TRIO: variants seen among roughly 807,000 people sequenced by gnomAD.
The protein encoded by TRIO is trio Rho guanine nucleotide exchange factor, also known as triple functional domain protein.
TRIO carries 58 observed loss-of-function variants against 351.9 expected under a neutral mutation model. That is an observed-to-expected ratio of 0.16 (90% confidence interval 0.13 to 0.21). The LOEUF is 0.21. TRIO is among the 10% of genes least tolerant of loss of function. The pLI is 1.00. For missense variants in TRIO, 3,201 were observed against 4,027.8 expected (o/e 0.79, Z 5.56); for synonymous variants, 1,758 against 1,595.7 (o/e 1.10, Z -2.42).
chr5:14,480,833 G>A (rs1275442115), intron 43 of TRIO, among the ~76,000 whole-genome samples: 1 of 152,188 alleles, frequency 6.6e-6, no homozygotes, highest in Non-Finnish European at 1.5e-5. Flanking sequence ...GTACACACCT[G>A]TAGACCCGGC....
chr5:14,316,397 T>A, intron 8 of TRIO, 116 bp from the exon 9 acceptor site: 1 of 984,534 alleles, frequency 1.0e-6, no homozygotes, highest in East Asian at 2.6e-5. Context: ...GTGTAATGTG[T>A]GTACATGTAC....
At chr5:14,422,087 C>T (rs1216147942) in intron 34 of TRIO, among the ~76,000 whole-genome samples, 2 of 152,208 alleles carry the variant, frequency 1.3e-5, no homozygotes, top group African/African-American at 2.4e-5. Context: ...AGCCTCTTTT[C>T]AGTATAAGAG....
intron 54 of TRIO, among the ~76,000 whole-genome samples, chr5:14,503,785 G>A (rs185712435): frequency 2.9e-3 from 436 of 152,364 alleles, no homozygotes; most frequent in African/African-American, 9.9e-3. Context: ...CGCCACAGGC[G>A]CATCTCTGGT....
intron 5 of TRIO, among the ~76,000 whole-genome samples, chr5:14,291,457 T>C (rs1736894222): frequency 6.6e-6 from 1 of 151,844 alleles, no homozygotes; most frequent in Non-Finnish European, 1.5e-5. Flanking sequence ...ACTTATTCTT[T>C]GGTCTAGGAT....
intron 1 of TRIO, among the ~76,000 whole-genome samples, chr5:14,223,541 T>G (rs1019408359): frequency 6.6e-6 from 1 of 152,186 alleles, no homozygotes; most frequent in Admixed American, 6.5e-5. Flanking sequence ...GTGACCCTGC[T>G]TGGCTTCAAG....
At chr5:14,148,458 C>G (rs1787644645) in intron 1 of TRIO, among the ~76,000 whole-genome samples, 1 of 152,136 alleles carries the variant, frequency 6.6e-6, no homozygotes, top group Non-Finnish European at 1.5e-5. Flanking sequence ...AGAGAAAAGT[C>G]TAATTCTTAA....
intron 48 of TRIO, 191 bp from the exon 49 acceptor site, chr5:14,492,376 T>C (rs943078295): frequency 1.4e-6 from 1 of 706,776 alleles, no homozygotes; most frequent in African/African-American, 1.8e-5. Context: ...GAAATTACAT[T>C]TTCAGTTATT....
intron 6 of TRIO, among the ~76,000 whole-genome samples, chr5:14,294,164 T>A (rs1737146748): frequency 6.6e-6 from 1 of 152,116 alleles, no homozygotes; most frequent in Non-Finnish European, 1.5e-5. Flanking sequence ...CCAGCTTGGG[T>A]GACAGAGCAA....
chr5:14,248,852 A>G (rs1015208508), intron 1 of TRIO, among the ~76,000 whole-genome samples: 1 of 152,222 alleles, frequency 6.6e-6, no homozygotes, highest in African/African-American at 2.4e-5. Context: ...AATGGCTCCA[A>G]AGCTCTAAGG....
chr5:14,346,640 A>G (rs79498375), intron 11 of TRIO, among the ~76,000 whole-genome samples: 8,977 of 152,320 alleles, frequency 0.059, 313 homozygotes, highest in African/African-American at 0.094. Flanking sequence ...TGAACAAGTT[A>G]TAATGTGTTA....
At chr5:14,310,874 C>T (rs971285846) in intron 8 of TRIO, among the ~76,000 whole-genome samples, 5 of 152,158 alleles carry the variant, frequency 3.3e-5, no homozygotes, top group Admixed American at 1.3e-4. Context: ...TTAGTAGAGA[C>T]AGGGTTTTGC....
At position 14,256,908 on chromosome 5, in the gene TRIO, G is replaced by A. The variant is rs1037764599; in HGVS notation, c.158-13917G>A. Among the ~76,000 whole-genome samples the A allele has an allele frequency of 3.3e-5, 5 of 152,326 alleles. No homozygotes were observed. In the East Asian group the frequency reaches 9.6e-4, roughly 29 times the overall value. On this transcript the variant is annotated intron_variant, in intron 1 of 56. Transcript: ENST00000344204. ...TGGCTTTTCATTACTTTAAACAAAT[G>A]AGTTCAGCCTTTAGCATAGTGGGCC...
intron 49 of TRIO, 105 bp from the exon 50 acceptor site, chr5:14,496,774 C>A (rs1374786242): frequency 1.4e-6 from 2 of 1,464,188 alleles, no homozygotes; most frequent in African/African-American, 1.4e-5. Context: ...TCCCATCCCC[C>A]TGCACACACA....
At chr5:14,506,363 C>T (rs1480770275) in intron 55 of TRIO, among the ~76,000 whole-genome samples, 1 of 152,218 alleles carries the variant, frequency 6.6e-6, no homozygotes, top group Non-Finnish European at 1.5e-5. Context: ...GATCTTCCTA[C>T]AGATTTCTGT....
intron 11 of TRIO, among the ~76,000 whole-genome samples, chr5:14,342,719 G>A (rs576700618): frequency 4.6e-5 from 7 of 152,224 alleles, no homozygotes; most frequent in South Asian, 2.1e-4. Flanking sequence ...TTGATGAGTC[G>A]TCTGTCATTA....
chr5:14,337,700 C>T (rs370605474), intron 11 of TRIO, among the ~76,000 whole-genome samples: 5 of 152,210 alleles, frequency 3.3e-5, no homozygotes, highest in Admixed American at 6.5e-5. Flanking sequence ...AGGAAAAGAA[C>T]GGCACTACCA....
intron 1 of TRIO, among the ~76,000 whole-genome samples, chr5:14,176,598 C>T (rs1465010101): frequency 2.0e-5 from 3 of 152,124 alleles, no homozygotes; most frequent in Non-Finnish European, 4.4e-5. Context: ...GGATTGCAGC[C>T]GTGTGCCACC....
At chr5:14,455,387 T>C (rs1188320184) in intron 34 of TRIO, among the ~76,000 whole-genome samples, 1 of 151,798 alleles carries the variant, frequency 6.6e-6, no homozygotes, top group Admixed American at 6.6e-5. Context: ...TAGCTAGACG[T>C]AAAAGTTCTC....
intron 54 of TRIO, among the ~76,000 whole-genome samples, chr5:14,503,538 G>A (rs980418794): frequency 6.6e-6 from 1 of 152,182 alleles, no homozygotes; most frequent in African/African-American, 2.4e-5. Context: ...CTGGGACACT[G>A]GCCTCTTTCC....
Sources: gnomAD v4.1 joint callset for allele counts (sites outside exome capture counted in the v4.1 genomes callset) on GRCh38, gnomAD v4.1.1 for gene constraint, MANE v1.5 for transcripts, NCBI Gene and HGNC (gene_info 2026-07-23, HGNC 2026-07-21) for gene names.